Variants in ARHGAP15 observed in about 807,000 individuals in gnomAD.
ARHGAP15 encodes the protein rho GTPase-activating protein 15.
Under a neutral mutation model 63.7 loss-of-function variants are expected in ARHGAP15, and 51 were observed. The ratio of observed to expected loss-of-function variants is 0.80; its 90% CI spans 0.64 to 1.01. ARHGAP15 has a LOEUF of 1.01. Ranked by LOEUF, ARHGAP15 falls within the 50% of genes least tolerant of loss-of-function variation. The probability of loss-of-function intolerance (pLI) is 0.00; values close to 1 mark genes in which losing one functional copy is unlikely to be tolerated. For missense variants in ARHGAP15, 560 were observed against 564.6 expected (o/e 0.99, Z 0.08); for synonymous variants, 191 against 193.8 (o/e 0.99, Z 0.12).
chr2:143,443,623 A>G (rs1689998254), intron 8 of ARHGAP15, among the ~76,000 whole-genome samples: 1 of 152,162 alleles, frequency 6.6e-6, no homozygotes. Context: ...ACAGGTTGAG[A>G]GTTACTTATT....
At chr2:143,136,208 AT>A (rs1689131870) in intron 1 of ARHGAP15, among the ~76,000 whole-genome samples, 3 of 152,150 alleles carry the variant, frequency 2.0e-5, no homozygotes, top group African/African-American at 7.2e-5. Context: ...TTTATCAGCA[AT>A]AAGTAGAGCC....
chr2:143,214,146 G>A (rs796994096), intron 3 of ARHGAP15, among the ~76,000 whole-genome samples: 27 of 152,070 alleles, frequency 1.8e-4, no homozygotes, highest in African/African-American at 6.5e-4. Flanking sequence ...TGAATTTTTG[G>A]AAAAAACAAT....
chr2:143,443,488 C>A (rs1477583646), intron 8 of ARHGAP15, among the ~76,000 whole-genome samples: 3 of 151,688 alleles, frequency 2.0e-5, no homozygotes, highest in African/African-American at 7.3e-5. Flanking sequence ...TTATTCAAAA[C>A]CCTCTTGAGA....
chr2:143,220,120 A>G (rs749822881), intron 4 of ARHGAP15, among the ~76,000 whole-genome samples: 10 of 151,788 alleles, frequency 6.6e-5, no homozygotes, highest in Non-Finnish European at 1.2e-4. Context: ...CTCTTTTTTT[A>G]CTTGATTTTT....
chr2:143,166,687 T>C (rs1289558140), intron 2 of ARHGAP15, among the ~76,000 whole-genome samples: 3 of 152,122 alleles, frequency 2.0e-5, no homozygotes, highest in African/African-American at 7.2e-5. Context: ...AAAAGAGACG[T>C]TCACCTCCTG....
At chr2:143,362,820 T>C (rs1191726571) in intron 6 of ARHGAP15, among the ~76,000 whole-genome samples, 2 of 152,174 alleles carry the variant, frequency 1.3e-5, no homozygotes, top group African/African-American at 4.8e-5. Flanking sequence ...CTCTCAGCCC[T>C]GTGTTAAAGC....
chr2:143,527,291 T>C (rs1694321637), intron 10 of ARHGAP15, among the ~76,000 whole-genome samples: 1 of 152,090 alleles, frequency 6.6e-6, no homozygotes, highest in South Asian at 2.1e-4. Context: ...TTTAGAACTT[T>C]TTACCCATTT....
At chr2:143,438,107 T>A (rs998418320) in intron 8 of ARHGAP15, among the ~76,000 whole-genome samples, 1 of 152,196 alleles carries the variant, frequency 6.6e-6, no homozygotes, top group African/African-American at 2.4e-5. Flanking sequence ...GGGAGTCTTC[T>A]ACCTGGCTGA....
chr2:143,351,063 T>C (rs1462365955), intron 6 of ARHGAP15: 1 of 152,044 alleles, frequency 6.6e-6, no homozygotes, highest in African/African-American at 2.4e-5. Context: ...ACTGGAGTTG[T>C]AAAGACAATA....
intron 8 of ARHGAP15, among the ~76,000 whole-genome samples, chr2:143,447,651 A>G (rs1159508974): frequency 1.3e-5 from 2 of 152,150 alleles, no homozygotes; most frequent in Non-Finnish European, 2.9e-5. Context: ...CCCTATCCCC[A>G]TCACTCAGAA....
chr2:143,169,715 A>G (rs976086634), intron 2 of ARHGAP15, among the ~76,000 whole-genome samples: 1 of 86,456 alleles, frequency 1.2e-5, no homozygotes, highest in Admixed American at 1.1e-4. Context: ...TGGGCCCTCC[A>G]GGTTCAATCA....
intron 11 of ARHGAP15, among the ~76,000 whole-genome samples, chr2:143,571,178 A>G (rs1696438923): frequency 6.6e-6 from 1 of 152,228 alleles, no homozygotes; most frequent in Non-Finnish European, 1.5e-5. Flanking sequence ...ATTTGCAGGA[A>G]AAAAAGCTTG....
At chr2:143,651,440 A>C (rs557519376) in intron 12 of ARHGAP15, among the ~76,000 whole-genome samples, 1 of 152,108 alleles carries the variant, frequency 6.6e-6, no homozygotes, top group African/African-American at 2.4e-5. Flanking sequence ...CACTGTATGG[A>C]TACAACAAAA....
chr2:143,431,037 A>C (rs1450344086), intron 6 of ARHGAP15, among the ~76,000 whole-genome samples: 2 of 152,030 alleles, frequency 1.3e-5, no homozygotes, highest in Non-Finnish European at 2.9e-5. Flanking sequence ...TCAGTCTTAG[A>C]TATATTTTTT....
At chr2:143,422,236 C>G (rs1688954766) in intron 6 of ARHGAP15, among the ~76,000 whole-genome samples, 2 of 152,088 alleles carry the variant, frequency 1.3e-5, no homozygotes, top group South Asian at 4.1e-4. Flanking sequence ...TCCTTAATGT[C>G]CTACTCCCCA....
chr2:143,568,682 T>C (rs1476644791), intron 11 of ARHGAP15, among the ~76,000 whole-genome samples: 1 of 152,208 alleles, frequency 6.6e-6, no homozygotes, highest in East Asian at 1.9e-4. Flanking sequence ...CAAAGAATTA[T>C]AAATCATGTT....
intron 5 of ARHGAP15, among the ~76,000 whole-genome samples, chr2:143,249,413 T>G (rs906910397): frequency 1.3e-5 from 2 of 152,138 alleles, no homozygotes; most frequent in African/African-American, 4.8e-5. Context: ...GGACAGAATA[T>G]GTTTTTAAAA....
intron 6 of ARHGAP15, among the ~76,000 whole-genome samples, chr2:143,299,429 T>C (rs1682799055): frequency 6.6e-6 from 1 of 152,022 alleles, no homozygotes; most frequent in Non-Finnish European, 1.5e-5. Flanking sequence ...GTATCTAATT[T>C]AATATAATGC....
intron 13 of ARHGAP15, among the ~76,000 whole-genome samples, chr2:143,744,577 A>G (rs1343547046): frequency 6.6e-6 from 1 of 152,214 alleles, no homozygotes; most frequent in Non-Finnish European, 1.5e-5. Context: ...GGCACTGCAA[A>G]GAGGCGCCGC....
Sources: gnomAD v4.1 joint callset for allele counts (sites outside exome capture counted in the v4.1 genomes callset) on GRCh38, gnomAD v4.1.1 for gene constraint, MANE v1.5 for transcripts, NCBI Gene and HGNC (gene_info 2026-07-23, HGNC 2026-07-21) for gene names.